The following DOCK5 variants were observed in gnomAD, a reference collection of about 807,000 sequenced individuals.
DOCK5 encodes dedicator of cytokinesis 5.
DOCK5 carries 142 observed loss-of-function variants against 251.8 expected under a neutral mutation model. That is an observed-to-expected ratio of 0.56 (90% CI 0.49 to 0.65). The LOEUF is 0.65. DOCK5 is among the 30% of genes least tolerant of loss of function. The pLI is 0.00. For synonymous variants in DOCK5, 842 were observed against 835.5 expected (o/e 1.01, Z -0.13); for missense variants, 2,111 against 2,312.3 (o/e 0.91, Z 1.79).
chr8:25,307,638 G>C (rs1485610395), intron 11 of DOCK5, among the ~76,000 whole-genome samples: 1 of 152,096 alleles, frequency 6.6e-6, no homozygotes, highest in Non-Finnish European at 1.5e-5. Context: ...ATATTTGCTG[G>C]TGGTGATGTG....
At chr8:25,287,857 T>C (rs1040721681) in intron 5 of DOCK5, among the ~76,000 whole-genome samples, 7 of 150,372 alleles carry the variant, frequency 4.7e-5, no homozygotes, top group African/African-American at 1.7e-4. Flanking sequence ...AGAGAGAAAA[T>C]AGAGCCTCAG....
chr8:25,220,567 C>T (rs1802359334), intron 1 of DOCK5, among the ~76,000 whole-genome samples: 1 of 152,064 alleles, frequency 6.6e-6, no homozygotes. Context: ...CAGCTCTCCA[C>T]AGGTACCGGG....
intron 1 of DOCK5, among the ~76,000 whole-genome samples, chr8:25,195,469 C>CTGAA (rs1401090822): frequency 6.6e-6 from 1 of 152,164 alleles, no homozygotes; most frequent in African/African-American, 2.4e-5. Flanking sequence ...TGGGATGGCA[C>CTGAA]TGAAGTTCCT....
At chr8:25,268,986 C>T (rs1270795944) in intron 3 of DOCK5, 101 bp downstream of exon 3, 2 of 1,065,274 alleles carry the variant, frequency 1.9e-6, no homozygotes, top group Non-Finnish European at 2.7e-6. Flanking sequence ...GTCTCTAGAC[C>T]TAGTTTGCTT....
At chr8:25,226,524 A>G (rs1378618607) in intron 1 of DOCK5, among the ~76,000 whole-genome samples, 2 of 151,820 alleles carry the variant, frequency 1.3e-5, no homozygotes, top group African/African-American at 4.8e-5. Context: ...TAGGCCTGGG[A>G]TTACAGGCGC....
At chr8:25,291,561 T>C (rs1173360935) in intron 5 of DOCK5, among the ~76,000 whole-genome samples, 5 of 151,686 alleles carry the variant, frequency 3.3e-5, no homozygotes, top group Admixed American at 1.3e-4. Flanking sequence ...CATGCTCCTG[T>C]AGTCCCAGCT....
At chr8:25,231,153 AG>A (rs1802658925) in intron 1 of DOCK5, among the ~76,000 whole-genome samples, 1 of 152,126 alleles carries the variant, frequency 6.6e-6, no homozygotes, top group Non-Finnish European at 1.5e-5. Flanking sequence ...TTATATCTAA[AG>A]GCATCATCCT....
chr8:25,406,224 C>T (rs1219824792), intron 48 of DOCK5, among the ~76,000 whole-genome samples: 1 of 152,200 alleles, frequency 6.6e-6, no homozygotes, highest in Non-Finnish European at 1.5e-5. Context: ...TCCCAAAGTG[C>T]TGGGATTACA....
At chr8:25,369,966 T>A (rs1028300139) in intron 34 of DOCK5, among the ~76,000 whole-genome samples, 1 of 152,258 alleles carries the variant, frequency 6.6e-6, no homozygotes, top group Non-Finnish European at 1.5e-5. Flanking sequence ...CTTCTAATTA[T>A]AACTGCAAAG....
At chr8:25,239,074 T>C (rs1802874555) in intron 1 of DOCK5, among the ~76,000 whole-genome samples, 1 of 152,144 alleles carries the variant, frequency 6.6e-6, no homozygotes, top group Non-Finnish European at 1.5e-5. Flanking sequence ...TTGAATTGCA[T>C]TGTGGATGTG....
intron 2 of DOCK5, among the ~76,000 whole-genome samples, chr8:25,246,616 G>A (rs760326046): frequency 1.3e-5 from 2 of 151,960 alleles, no homozygotes; most frequent in African/African-American, 2.4e-5. Context: ...TGCCCCAAGC[G>A]GAAAGCAGCC....
At chr8:25,314,554 A>G (rs1038994759) in intron 13 of DOCK5, among the ~76,000 whole-genome samples, 23 of 146,214 alleles carry the variant, frequency 1.6e-4, no homozygotes, top group African/African-American at 5.8e-4. Flanking sequence ...CCATCCATCC[A>G]TCCACCCACC....
intron 37 of DOCK5, chr8:25,376,862 TATTA>T (rs757270115): frequency 6.5e-6 from 1 of 152,836 alleles, no homozygotes; most frequent in Non-Finnish European, 1.5e-5. Flanking sequence ...ATTTCAAGTA[TATTA>T]ATTGTTCTTC....
intron 25 of DOCK5, among the ~76,000 whole-genome samples, chr8:25,343,029 C>T (rs71327113): frequency 6.6e-6 from 1 of 151,834 alleles, no homozygotes; most frequent in African/African-American, 2.4e-5. Flanking sequence ...GACGGAATCT[C>T]ACTCCCTCAC....
At chr8:25,331,144 G>C (rs1330709956) in intron 18 of DOCK5, among the ~76,000 whole-genome samples, 4 of 151,824 alleles carry the variant, frequency 2.6e-5, no homozygotes, top group Non-Finnish European at 5.9e-5. Context: ...ACATTTACTA[G>C]ATAGTGCTCT....
At chr8:25,314,397 G>A (rs1294004154) in intron 13 of DOCK5, among the ~76,000 whole-genome samples, 1 of 151,734 alleles carries the variant, frequency 6.6e-6, no homozygotes, top group Non-Finnish European at 1.5e-5. Flanking sequence ...GAGATTACAG[G>A]CATGAGCCAC....
At chr8:25,271,850 A>G (rs1803920381) in intron 3 of DOCK5, among the ~76,000 whole-genome samples, 1 of 152,218 alleles carries the variant, frequency 6.6e-6, no homozygotes, top group South Asian at 2.1e-4. Flanking sequence ...TCATCATGGC[A>G]TAGGAGTCAT....
intron 14 of DOCK5, among the ~76,000 whole-genome samples, chr8:25,319,346 G>A (rs1227614734): frequency 1.3e-5 from 2 of 152,122 alleles, no homozygotes; most frequent in Non-Finnish European, 2.9e-5. Flanking sequence ...AGAATATTTA[G>A]GCGGTGCTGG....
At chr8:25,227,806 C>T (rs1802569134) in intron 1 of DOCK5, among the ~76,000 whole-genome samples, 1 of 152,126 alleles carries the variant, frequency 6.6e-6, no homozygotes, top group Non-Finnish European at 1.5e-5. Flanking sequence ...TTAGATAATA[C>T]TTTCTCTAGT....
Sources: gnomAD v4.1 joint callset for allele counts (sites outside exome capture counted in the v4.1 genomes callset) on GRCh38, gnomAD v4.1.1 for gene constraint, MANE v1.5 for transcripts, NCBI Gene and HGNC (gene_info 2026-07-23, HGNC 2026-07-21) for gene names.